C12orf50: variants seen among roughly 807,000 people sequenced by gnomAD.
C12orf50 encodes the protein uncharacterized protein C12orf50.
A neutral mutation model predicts 61.6 loss-of-function variants in C12orf50; 35 were observed. That is an observed-to-expected ratio of 0.57 (90% CI 0.43 to 0.75). C12orf50 has a LOEUF of 0.75. Among genes scored for constraint, C12orf50 ranks in the 30% least tolerant of loss-of-function variants. The probability of loss-of-function intolerance (pLI) is 0.00; values close to 1 mark genes in which losing one functional copy is unlikely to be tolerated. For missense variants in C12orf50, 475 were observed against 488.5 expected, an observed-to-expected ratio of 0.97 and a Z score of 0.26; for synonymous variants, 178 against 161.5, an observed-to-expected ratio of 1.10 and a Z score of -0.77.
intron 7 of C12orf50, among the ~76,000 whole-genome samples, chr12:87,990,092 C>G (rs2031046428): frequency 6.6e-6 from 1 of 152,140 alleles, no homozygotes; most frequent in Non-Finnish European, 1.5e-5. Flanking sequence ...AAAACTCACT[C>G]TATTTTCCCC....
chr12:87,982,622 C>T (rs1346318226), intron 12 of C12orf50, among the ~76,000 whole-genome samples: 1 of 152,042 alleles, frequency 6.6e-6, no homozygotes, highest in African/African-American at 2.4e-5. Context: ...CCCAGTCTCC[C>T]AGAGCGCAGA....
intron 3 of C12orf50, among the ~76,000 whole-genome samples, chr12:88,017,069 G>T (rs1423005456): frequency 6.6e-6 from 1 of 152,176 alleles, no homozygotes. Context: ...ATATGCACTA[G>T]GAAAAGCAAG....
At chr12:87,985,812 C>T (rs773906807) in intron 11 of C12orf50, 38 bp downstream of exon 11, 43 of 1,602,410 alleles carry the variant, frequency 2.7e-5, no homozygotes, top group Non-Finnish European at 3.5e-5. Flanking sequence ...GAATGCAAAC[C>T]ACAGACAAGA....
intron 6 of C12orf50, among the ~76,000 whole-genome samples, chr12:87,995,661 G>A (rs1422752644): frequency 1.3e-5 from 2 of 151,524 alleles, no homozygotes; most frequent in Non-Finnish European, 2.9e-5. Flanking sequence ...TTGCTAACTT[G>A]TTTTCTTCTT....
At chr12:88,005,371 A>AT (rs1429807025) in intron 3 of C12orf50, among the ~76,000 whole-genome samples, 1 of 152,182 alleles carries the variant, frequency 6.6e-6, no homozygotes, top group Non-Finnish European at 1.5e-5. Flanking sequence ...GTTAACAGGG[A>AT]TAACACGGAC....
rs770380163 is a variant in C12orf50 at position 87,989,247 on chromosome 12, T to G, written c.700+17A>C. ...AGCCAAATTACAAATGAATCAAAAT[T>G]ATATAATATTCATTACCTTTAGTAT... is the stretch of plus-strand genomic sequence containing the variant. On this transcript the variant is annotated intron_variant, in intron 8 of 12. Transcript: ENST00000298699. 3 of 1,532,046 alleles carry G rather than the reference T, an allele frequency of 2.0e-6. No homozygotes were observed. The highest frequency in any genetic ancestry group is 2.7e-6 in the Non-Finnish European group (3 of 1,117,858). 94.9% of individuals were successfully genotyped at this position (1,532,046 alleles called of 1,614,324 possible). A position where few individuals can be genotyped will look rare whatever the true frequency, so the allele number is the denominator to read the frequency against.
Position 87,980,950 on chromosome 12 carries a change from A to G in C12orf50, c.1220-594T>C, listed in dbSNP as rs541724348. Among the ~76,000 whole-genome samples the G allele has an allele frequency of 9.9e-5, 15 of 152,280 alleles. 1 individual carries two copies. The highest frequency in any genetic ancestry group is 3.4e-3 in the Middle Eastern group (1 of 294). Reference sequence around the variant, plus strand: ...TGTTGAAAATGTTGCTCTGTGACCTAGCAGGAATATGTGCAGGAAGAAACA... The same window carrying G: ...TGTTGAAAATGTTGCTCTGTGACCTGGCAGGAATATGTGCAGGAAGAAACA... On this transcript the variant is annotated intron_variant, in intron 12 of 12. Coordinates refer to ENST00000298699, the MANE Select transcript of C12orf50 (RefSeq NM_152589.3).
Position 88,028,998 on chromosome 12 carries a change from TG to T in C12orf50, c.-109+341del, listed in dbSNP as rs2136513955. ...ATTTTTGTTCAGCAATACAAGTTAT[TG>T]CCATATCTCCCTTCATTCTACTAAA... On this transcript the variant is annotated intron_variant, in intron 1 of 12. Transcript: ENST00000298699. 5 of 853,500 alleles carry T rather than the reference TG, an allele frequency of 5.9e-6. No homozygotes were observed. The South Asian group carries it at 1.1e-4, about 19-fold the overall frequency. 52.9% of individuals were successfully genotyped at this position (853,500 alleles called of 1,614,324 possible). A position where few individuals can be genotyped will look rare whatever the true frequency, so the allele number is the denominator to read the frequency against.
At chr12:87,994,233 A>G (rs1030130920) in intron 7 of C12orf50, among the ~76,000 whole-genome samples, 22 of 151,942 alleles carry the variant, frequency 1.4e-4, no homozygotes, top group Non-Finnish European at 2.5e-4. Flanking sequence ...AAATAAGTAG[A>G]TAAATAAAAA....
intron 3 of C12orf50, among the ~76,000 whole-genome samples, chr12:88,011,295 C>G (rs1340811373): frequency 1.3e-5 from 2 of 152,048 alleles, no homozygotes; most frequent in African/African-American, 4.8e-5. Flanking sequence ...ATTAGCTCAT[C>G]CCCTAGCTTG....
At chr12:88,007,988 G>A (rs2031950246) in intron 3 of C12orf50, among the ~76,000 whole-genome samples, 1 of 151,632 alleles carries the variant, frequency 6.6e-6, no homozygotes, top group Admixed American at 6.6e-5. Context: ...TTTAATAGGT[G>A]ATCAATAAAC....
rs952045530 is a variant in C12orf50, at chr12:88,027,109, T to C, written c.-108-39A>G. 3.2e-6 allele frequency: 5 copies of C among 1,545,014 alleles called. No individual in the cohort carries two copies. The African/African-American group carries it at 5.5e-5, about 17-fold the overall frequency. On this transcript the variant is annotated intron_variant, in intron 1 of 12. Coordinates refer to ENST00000298699, the MANE Select transcript of C12orf50 (RefSeq NM_152589.3). The stretch of plus-strand genomic sequence containing the variant: ...TAAACAGTGTAGAAAGCTCAATATG[T>C]TGACATTAGTGTTCAACAACAATAG...
intron 10 of C12orf50, 31 bp from the exon 11 acceptor site, chr12:87,986,084 TA>T (rs750477633): frequency 1.1e-5 from 17 of 1,597,562 alleles, no homozygotes; most frequent in Non-Finnish European, 1.4e-5. Context: ...GAGTGAGGAA[TA>T]AAACAGGCTG....
chr12:87,980,447 C>A (rs1161111581), intron 12 of C12orf50, 91 bp from the exon 13 acceptor site: 2 of 1,136,344 alleles, frequency 1.8e-6, no homozygotes, highest in East Asian at 2.4e-5. Flanking sequence ...TGCCGTAAAT[C>A]TAAAGGCAAA....
intron 3 of C12orf50, among the ~76,000 whole-genome samples, chr12:88,007,205 A>C (rs1435105977): frequency 6.6e-6 from 1 of 152,322 alleles, no homozygotes; most frequent in Admixed American, 6.5e-5. Context: ...ACAATTTTCA[A>C]ATAAAATCTT....
intron 3 of C12orf50, among the ~76,000 whole-genome samples, chr12:88,002,244 A>C (rs974567802): frequency 4.4e-4 from 66 of 151,606 alleles, no homozygotes; most frequent in Non-Finnish European, 7.4e-5. Context: ...TTTTCTTGTG[A>C]TTTCTTGGTT....
chr12:88,014,773 G>A (rs2032248582), intron 3 of C12orf50, among the ~76,000 whole-genome samples: 1 of 152,106 alleles, frequency 6.6e-6, no homozygotes, highest in Non-Finnish European at 1.5e-5. Flanking sequence ...AATAAAATCA[G>A]GCACGAAAAT....
At chr12:88,013,473 C>T (rs776951087) in intron 3 of C12orf50, among the ~76,000 whole-genome samples, 4 of 152,134 alleles carry the variant, frequency 2.6e-5, no homozygotes, top group Non-Finnish European at 5.9e-5. Context: ...AAATTCCCTA[C>T]ATATGATAGT....
chr12:88,000,350 T>C (rs1398800947), intron 3 of C12orf50, among the ~76,000 whole-genome samples: 1 of 152,120 alleles, frequency 6.6e-6, no homozygotes, highest in African/African-American at 2.4e-5. Context: ...CTGATTGATA[T>C]AAAAGTTTAT....
Sources: allele counts gnomAD v4.1 joint callset (sites outside exome capture counted in the v4.1 genomes callset), GRCh38; gene constraint gnomAD v4.1.1; transcripts MANE v1.5; gene names NCBI Gene and HGNC (gene_info 2026-07-23, HGNC 2026-07-21).